The following METTL22 variants were observed in gnomAD, a reference collection of about 807,000 sequenced individuals.
The protein encoded by METTL22 is methyltransferase 22, Kin17 lysine.
In METTL22, 51 loss-of-function variants were observed where a neutral mutation model predicts 48.4. The observed-to-expected ratio is 1.05, with a 90% CI of 0.84 to 1.33. METTL22 has a LOEUF of 1.33. Among genes scored for constraint, METTL22 ranks in the 40% most tolerant of loss-of-function variants. The probability of loss-of-function intolerance (pLI) is 0.00; values close to 1 mark genes in which losing one functional copy is unlikely to be tolerated. For synonymous variants in METTL22, 255 were observed against 214.1 expected (o/e 1.19, Z -1.67); for missense variants, 678 against 526.9 (o/e 1.29, Z -2.81).
downstream of METTL22, among the ~76,000 whole-genome samples, chr16:8,654,088 A>G (rs1043094604): frequency 6.6e-6 from 1 of 152,218 alleles, no homozygotes; most frequent in Non-Finnish European, 1.5e-5. Context: ...GTGATAGCCA[A>G]CTGTCCTAAA....
the METTL22 span, among the ~76,000 whole-genome samples, chr16:8,661,632 G>A: frequency 4.8e-5 from 4 of 83,026 alleles, no homozygotes; most frequent in South Asian, 4.5e-4. Flanking sequence ...GCGACACAGC[G>A]AGACTCCGTC....
intron 3 of METTL22, 149 bp downstream of exon 3, chr16:8,629,259 C>T (rs2056173557): frequency 7.9e-6 from 8 of 1,016,572 alleles, no homozygotes; most frequent in Admixed American, 2.3e-5. Flanking sequence ...GGAAGCTCTC[C>T]ACAACCCCGT....
intron 2 of METTL22, among the ~76,000 whole-genome samples, chr16:8,627,191 G>A (rs2141694724): frequency 6.6e-6 from 1 of 152,218 alleles, no homozygotes; most frequent in East Asian, 1.9e-4. Context: ...TCAAATCACA[G>A]CACTTCCTGA....
chr16:8,658,243 G>A, the METTL22 span, among the ~76,000 whole-genome samples: 2 of 152,202 alleles, frequency 1.3e-5, no homozygotes, highest in South Asian at 2.1e-4. Flanking sequence ...AACTGGAAGA[G>A]GCAAGGAAGA....
At chr16:8,649,812 A>G (rs2056866816), downstream of METTL22, among the ~76,000 whole-genome samples, 1 of 3,656 alleles carries the variant, frequency 2.7e-4, no homozygotes, top group Non-Finnish European at 0.01. Context: ...CTCAAAAGAA[A>G]TTAAAAAAAA....
At chr16:8,655,147 A>G in the METTL22 span, among the ~76,000 whole-genome samples, 2 of 152,350 alleles carry the variant, frequency 1.3e-5, no homozygotes, top group East Asian at 3.9e-4. Context: ...GCTTAAGACA[A>G]CAAACATTTA....
chr16:8,645,729 T>A (rs1230565299), intron 10 of METTL22, among the ~76,000 whole-genome samples: 6 of 152,218 alleles, frequency 3.9e-5, no homozygotes, highest in African/African-American at 1.4e-4. Context: ...CAAGCTGTGA[T>A]GGTGCCACTG....
At chr16:8,638,781 CATG>C (rs768496961) in intron 5 of METTL22, among the ~76,000 whole-genome samples, 1 of 152,134 alleles carries the variant, frequency 6.6e-6, no homozygotes, top group Non-Finnish European at 1.5e-5. Context: ...TGGCCATAAA[CATG>C]AAAACGATGA....
At chr16:8,626,579 G>C (rs1437775870) in intron 2 of METTL22, among the ~76,000 whole-genome samples, 1 of 150,716 alleles carries the variant, frequency 6.6e-6, no homozygotes, top group African/African-American at 2.4e-5. Context: ...CTCCCGAGTA[G>C]CTGGGATTAC....
intron 3 of METTL22, chr16:8,631,192 A>T (rs567363889): frequency 2.2e-4 from 33 of 152,292 alleles, no homozygotes; most frequent in African/African-American, 7.5e-4. Context: ...GACCCATTTG[A>T]GAAACTGGTT....
At chr16:8,644,787 G>A (rs1035744330) in intron 10 of METTL22, 62 bp downstream of exon 10, 37 of 1,441,918 alleles carry the variant, frequency 2.6e-5, no homozygotes, top group Non-Finnish European at 3.0e-5. Flanking sequence ...TGACTCCAGG[G>A]CAAAGAGGTG....
At chr16:8,633,256 G>A (rs1309331949) in intron 3 of METTL22, among the ~76,000 whole-genome samples, 4 of 152,100 alleles carry the variant, frequency 2.6e-5, no homozygotes, top group Non-Finnish European at 1.5e-5. Context: ...TTTTTAAACC[G>A]TGTCCCTGGC....
intron 3 of METTL22, among the ~76,000 whole-genome samples, chr16:8,634,537 A>G (rs1216819477): frequency 6.6e-6 from 1 of 152,074 alleles, no homozygotes. Context: ...TTTAAAAAGG[A>G]TGTAAATTTA....
In METTL22 at chr16:8,629,048, A is replaced by G. The variant is rs767586376; in HGVS notation, c.452A>G (p.Gln151Arg). The G allele has an allele frequency of 6.2e-7, 1 of 1,614,014 alleles. No homozygotes were observed. Among genetic ancestry groups the G allele is most frequent in the East Asian group, 2.2e-5 (1 of 44,878 alleles). ...AAGGTACATCCCATGATTCTAGCAC[A>G]GGAAGAAGACGACGTCCTGGGAGAG... is the stretch of plus-strand genomic sequence containing the variant. ...RDKVHPMILA[Q>R]EEDDVLGEEA... The change falls in exon 3 of 11, where the codon CAG becomes CGG. Residue 151 changes from glutamine to arginine, a missense_variant. By Grantham distance (43) the Gln-to-Arg change is conservative. Coordinates refer to ENST00000381920, the MANE Select transcript of METTL22 (RefSeq NM_024109.4).
chr16:8,641,184 GGT>G lies in METTL22; in HGVS notation c.826+7_826+8del, dbSNP rs749387175. 2 of 1,613,974 alleles carry G rather than the reference GGT, an allele frequency of 1.2e-6. No homozygotes were observed. Among genetic ancestry groups the G allele is most frequent in the Non-Finnish European group, 1.7e-6 (2 of 1,179,928 alleles). On this transcript the variant is annotated splice_donor_variant, in intron 7 of 10. Transcript: ENST00000381920. LOFTEE classifies it high-confidence loss of function. The stretch of plus-strand genomic sequence containing the variant: ...CTGGCTGAAGGACGACCTCTGCACA[GGT>G]GTGTGTTTCTCTCGGACGTCCCCCA...
In METTL22 at chr16:8,642,444, G is replaced by C. The variant is rs1356009882; in HGVS notation, c.908-19G>C. 1.9e-6 allele frequency: 3 copies of C among 1,610,732 alleles called. No individual in the cohort carries two copies. In the Admixed American group the frequency reaches 5.0e-5, roughly 27 times the overall value. ...ATTTGCGTGTTTTCCTCTAATGCTGGCCTTTTTGCTTCCCACAGTGTTTTA... is the reference window on the plus strand; with the variant it reads ...ATTTGCGTGTTTTCCTCTAATGCTGCCCTTTTTGCTTCCCACAGTGTTTTA... On this transcript the variant is annotated intron_variant, in intron 8 of 10. Coordinates refer to ENST00000381920, the MANE Select transcript of METTL22 (RefSeq NM_024109.4).
the METTL22 span, among the ~76,000 whole-genome samples, chr16:8,657,232 GT>G: frequency 1.3e-5 from 2 of 152,160 alleles, no homozygotes; most frequent in Non-Finnish European, 2.9e-5. Flanking sequence ...AGCTAGTCCA[GT>G]TGTTGAACCA....
At chr16:8,630,738 G>T (rs1045828411) in intron 3 of METTL22, among the ~76,000 whole-genome samples, 1 of 152,158 alleles carries the variant, frequency 6.6e-6, no homozygotes, top group Non-Finnish European at 1.5e-5. Flanking sequence ...GCCCTGTTCC[G>T]GTGACCTCAC....
At position 8,644,741 on chromosome 16, in the gene METTL22, G is replaced by A. The variant is rs1254902626; in HGVS notation, c.1179+16G>A. 5.8e-6 allele frequency: 9 copies of A among 1,542,806 alleles called. No homozygotes were observed. The East Asian group carries it at 7.1e-5, about 12-fold the overall frequency. ...CCAGCAACTGGTAGGTCCAGGCCCC[G>A]AAGCAGGGCCGTTGGTTGCTTTACT... On this transcript the variant is annotated intron_variant, in intron 10 of 10. Coordinates refer to ENST00000381920, the MANE Select transcript of METTL22 (RefSeq NM_024109.4).
Sources: gnomAD v4.1 joint callset for allele counts (sites outside exome capture counted in the v4.1 genomes callset) on GRCh38, gnomAD v4.1.1 for gene constraint, MANE v1.5 for transcripts, NCBI Gene and HGNC (gene_info 2026-07-23, HGNC 2026-07-21) for gene names.